The following ZFHX4 variants were observed in gnomAD, a reference collection of about 807,000 sequenced individuals.
ZFHX4 encodes zinc finger homeobox 4.
In ZFHX4, 56 loss-of-function variants were observed where a neutral mutation model predicts 267.6. The ratio of observed to expected loss-of-function variants is 0.21; its 90% confidence interval spans 0.17 to 0.26. ZFHX4 has a LOEUF of 0.26. ZFHX4 is among the 10% of genes least tolerant of loss of function. ZFHX4 has a pLI of 1.00. For synonymous variants in ZFHX4, 1,778 were observed against 1,665.6 expected (o/e 1.07, Z -1.64); for missense variants, 4,332 against 4,420.0 (o/e 0.98, Z 0.56).
At chr8:76,707,501 T>C (rs1808307020) in intron 2 of ZFHX4, 45 bp from the exon 3 acceptor site, 2 of 1,439,352 alleles carry the variant, frequency 1.4e-6, no homozygotes, top group Non-Finnish European at 1.8e-6. Context: ...GTGTGTGCTG[T>C]GTTTTCTAGT....
At position 76,694,367 on chromosome 8, in the gene ZFHX4, A is replaced by G. The variant is rs188639143; in HGVS notation, c.-46-9676A>G. Among the ~76,000 whole-genome samples, 61 of 152,300 alleles carry G rather than the reference A, an allele frequency of 4.0e-4. 1 individual carries two copies. The East Asian group carries it at 0.01, about 26-fold the overall frequency. On this transcript the variant is annotated intron_variant, in intron 1 of 10. Transcript: ENST00000651372. ...TCCCTTCCCCGACTAAAGTGAATGT[A>G]AAGAGATTTAGTAACATAGGAAATG...
chr8:76,802,643 C>T (rs1183375499), intron 4 of ZFHX4, among the ~76,000 whole-genome samples: 1 of 152,118 alleles, frequency 6.6e-6, no homozygotes, highest in Non-Finnish European at 1.5e-5. Context: ...CAAAATGTGC[C>T]TCTGACTTAG....
chr8:76,837,740 C>G (rs545944725), intron 5 of ZFHX4, among the ~76,000 whole-genome samples: 1 of 152,194 alleles, frequency 6.6e-6, no homozygotes, highest in East Asian at 1.9e-4. Flanking sequence ...AAAATGTTTA[C>G]CTATTACAGC....
At chr8:76,791,877 C>A (rs551140722) in intron 4 of ZFHX4, among the ~76,000 whole-genome samples, 20 of 152,238 alleles carry the variant, frequency 1.3e-4, no homozygotes, top group Admixed American at 8.5e-4. Context: ...ATATTCTACA[C>A]AAAACCTTAC....
In ZFHX4 at chr8:76,705,029, G is replaced by C; in HGVS notation, c.941G>C (p.Ser314Thr). The C allele has an allele frequency of 6.2e-7, 1 of 1,613,988 alleles. No individual in the cohort carries two copies. The highest frequency in any genetic ancestry group is 8.5e-7 in the Non-Finnish European group (1 of 1,179,888). ...TLNDEEQKLL[S>T]NKCVSAIIQG... The stretch of plus-strand genomic sequence containing the variant: ...AATGACGAGGAGCAGAAGCTCCTCA[G>C]TAATAAATGCGTCTCCGCCATAATA... Residue 314 changes from serine to threonine, a missense_variant, in exon 2 of 11, where the codon AGT becomes ACT. Ser to Thr is a moderately conservative substitution (Grantham distance 58). This residue lies in a region of ZFHX4 where 1,195 missense variants were observed against 1,173.6 expected (regional missense o/e 1.02). Transcript: ENST00000651372.
At chr8:76,744,325 G>A (rs977443399) in intron 3 of ZFHX4, among the ~76,000 whole-genome samples, 8 of 152,060 alleles carry the variant, frequency 5.3e-5, no homozygotes, top group Middle Eastern at 3.2e-3. Flanking sequence ...TAGCCTGGGC[G>A]ACAGAGCGAG....
At chr8:76,840,839 TCAG>T (rs1427823469) in intron 5 of ZFHX4, among the ~76,000 whole-genome samples, 4 of 152,176 alleles carry the variant, frequency 2.6e-5, no homozygotes, top group Non-Finnish European at 5.9e-5. Flanking sequence ...CCAGTTGATC[TCAG>T]CCCTCCAGCC....
At chr8:76,743,174 C>T (rs1218239638) in intron 3 of ZFHX4, among the ~76,000 whole-genome samples, 2 of 152,180 alleles carry the variant, frequency 1.3e-5, no homozygotes, top group African/African-American at 2.4e-5. Context: ...GCCACTAACA[C>T]AGCCACAGAT....
chr8:76,681,668 G>A (rs1256913860), intron 1 of ZFHX4, 48 bp downstream of exon 1: 1 of 387,182 alleles, frequency 2.6e-6, no homozygotes, highest in African/African-American at 2.1e-5. Flanking sequence ...TTAAATTTAG[G>A]TCGAGTATCG....
intron 3 of ZFHX4, among the ~76,000 whole-genome samples, chr8:76,710,404 C>T (rs1808392971): frequency 6.6e-6 from 1 of 152,072 alleles, no homozygotes; most frequent in Non-Finnish European, 1.5e-5. Flanking sequence ...TATTAGCAAG[C>T]TTGGTTGGCT....
chr8:76,798,973 AT>A (rs1811052029), intron 4 of ZFHX4, among the ~76,000 whole-genome samples: 1 of 152,222 alleles, frequency 6.6e-6, no homozygotes, highest in Non-Finnish European at 1.5e-5. Context: ...TCAAAAGGAC[AT>A]GTAAAGAGGA....
rs112457236 is a variant in ZFHX4 at position 76,803,263 on chromosome 8, CGT to C, written c.3325+24844_3325+24845del. ...GTGTGTGTGTGCATGCGCGTGTGTG[CGT>C]GTGTGTGTGTGTGTGTGTGGTATGA... is the stretch of plus-strand genomic sequence containing the variant. On this transcript the variant is annotated intron_variant, in intron 4 of 10. Coordinates refer to ENST00000651372, the MANE Select transcript of ZFHX4 (RefSeq NM_024721.5). Among the ~76,000 whole-genome samples, 1,300 of 147,006 alleles carry C rather than the reference CGT, an allele frequency of 8.8e-3. 15 individuals are homozygous for C. Among genetic ancestry groups the C allele is most frequent in the African/African-American group, 0.029 (1,168 of 40,288 alleles).
chr8:76,810,601 A>G (rs878883343), intron 4 of ZFHX4, among the ~76,000 whole-genome samples: 2 of 152,206 alleles, frequency 1.3e-5, no homozygotes, highest in African/African-American at 4.8e-5. Flanking sequence ...AGGTCACGTT[A>G]GAAGGGTGTG....
At chr8:76,845,602 TTAATAA>T (rs1167442959) in intron 6 of ZFHX4, among the ~76,000 whole-genome samples, 2 of 152,070 alleles carry the variant, frequency 1.3e-5, no homozygotes, top group African/African-American at 4.8e-5. Flanking sequence ...CATTGACTCA[TTAATAA>T]TAACTCAGTA....
intron 3 of ZFHX4, among the ~76,000 whole-genome samples, chr8:76,766,668 T>C (rs117575700): frequency 6.6e-6 from 1 of 151,994 alleles, no homozygotes; most frequent in African/African-American, 2.4e-5. Flanking sequence ...GAAAATTTAA[T>C]TTATTTTTCC....
chr8:76,788,548 G>T (rs1810752626), intron 4 of ZFHX4, among the ~76,000 whole-genome samples: 2 of 152,160 alleles, frequency 1.3e-5, no homozygotes, highest in African/African-American at 4.8e-5. Context: ...TCAACTTACA[G>T]TAGAGATTCT....
chr8:76,763,174 A>G (rs968408782), intron 3 of ZFHX4, among the ~76,000 whole-genome samples: 4 of 152,144 alleles, frequency 2.6e-5, no homozygotes, highest in Admixed American at 2.6e-4. Flanking sequence ...TACTTTTAAT[A>G]TAGCCATCCA....
chr8:76,770,945 G>A (rs1810248402), intron 3 of ZFHX4, among the ~76,000 whole-genome samples: 2 of 152,044 alleles, frequency 1.3e-5, no homozygotes, highest in African/African-American at 4.8e-5. Context: ...ATCATGCAGG[G>A]CCCTTAGGTA....
At chr8:76,712,307 AGAG>A (rs2131622656) in intron 3 of ZFHX4, among the ~76,000 whole-genome samples, 1 of 152,334 alleles carries the variant, frequency 6.6e-6, no homozygotes, top group South Asian at 2.1e-4. Context: ...GGAGGCCCAC[AGAG>A]GAGAATGCAA....
Sources: allele counts gnomAD v4.1 joint callset (sites outside exome capture counted in the v4.1 genomes callset), GRCh38; gene constraint gnomAD v4.1.1; regional missense constraint gnomAD v4.1.1; transcripts MANE v1.5; gene names NCBI Gene and HGNC (gene_info 2026-07-23, HGNC 2026-07-21).